Variants in FSTL5 observed in about 807,000 individuals in gnomAD.
FSTL5 encodes the protein follistatin like 5, also known as follistatin-related protein 5.
FSTL5 carries 62 observed loss-of-function variants against 89.1 expected under a neutral mutation model. That is an observed-to-expected ratio of 0.70 (90% CI 0.57 to 0.86). The LOEUF (loss-of-function observed/expected upper bound fraction) is 0.86, where lower values mean the gene tolerates loss of function less well. FSTL5 is among the 40% of genes least tolerant of loss of function. The pLI is 0.00. For synonymous variants in FSTL5, 383 were observed against 346.2 expected, an observed-to-expected ratio of 1.11 and a Z score of -1.18; for missense variants, 1,057 against 1,001.6, an observed-to-expected ratio of 1.06 and a Z score of -0.75.
At chr4:161,544,018 T>C (rs1159632178) in intron 8 of FSTL5, among the ~76,000 whole-genome samples, 1 of 151,850 alleles carries the variant, frequency 6.6e-6, no homozygotes, top group Non-Finnish European at 1.5e-5. Flanking sequence ...AGAGAACTGT[T>C]ACAAATCAGC....
intron 15 of FSTL5, among the ~76,000 whole-genome samples, chr4:161,404,281 A>G (rs890365469): frequency 6.6e-6 from 1 of 152,228 alleles, no homozygotes; most frequent in African/African-American, 2.4e-5. Context: ...GCCAATCAGT[A>G]GACACATTGG....
chr4:161,860,068 C>T (rs2126888806), intron 4 of FSTL5, among the ~76,000 whole-genome samples: 1 of 152,246 alleles, frequency 6.6e-6, no homozygotes, highest in South Asian at 2.1e-4. Flanking sequence ...GTGGGCGGAT[C>T]ACAAGGTCAG....
intron 15 of FSTL5, among the ~76,000 whole-genome samples, chr4:161,404,609 T>G (rs1046412966): frequency 6.6e-6 from 1 of 151,724 alleles, no homozygotes; most frequent in Non-Finnish European, 1.5e-5. Context: ...AAATCTTTGT[T>G]AAACCACAAG....
At chr4:162,104,062 G>A (rs968143643) in intron 2 of FSTL5, among the ~76,000 whole-genome samples, 3 of 152,140 alleles carry the variant, frequency 2.0e-5, no homozygotes, top group South Asian at 2.1e-4. Context: ...CTGAGCTTTC[G>A]CTCGCCGTCC....
At chr4:161,829,484 T>A (rs1230966275) in intron 4 of FSTL5, among the ~76,000 whole-genome samples, 1 of 152,002 alleles carries the variant, frequency 6.6e-6, no homozygotes, top group Admixed American at 6.6e-5. Flanking sequence ...AATTAATGTA[T>A]GTAATTATCT....
chr4:162,127,433 G>A (rs1297389334), intron 1 of FSTL5, among the ~76,000 whole-genome samples: 1 of 152,142 alleles, frequency 6.6e-6, no homozygotes, highest in Non-Finnish European at 1.5e-5. Flanking sequence ...GACCTGCAAG[G>A]ATGAATCAAA....
At chr4:161,733,065 T>G (rs920743282) in intron 6 of FSTL5, among the ~76,000 whole-genome samples, 2 of 151,950 alleles carry the variant, frequency 1.3e-5, no homozygotes, top group Non-Finnish European at 2.9e-5. Flanking sequence ...ATCCATAGAT[T>G]AACTTTTGTA....
intron 12 of FSTL5, among the ~76,000 whole-genome samples, chr4:161,482,116 C>T (rs141936076): frequency 2.5e-3 from 384 of 152,096 alleles, no homozygotes; most frequent in African/African-American, 8.9e-3. Context: ...GTCAGGAGAT[C>T]GATCCTGGCT....
At chr4:161,986,288 G>C (rs566293214) in intron 3 of FSTL5, among the ~76,000 whole-genome samples, 1 of 152,138 alleles carries the variant, frequency 6.6e-6, no homozygotes, top group Non-Finnish European at 1.5e-5. Flanking sequence ...GGTGGCTCAC[G>C]CCTGTAATCC....
At chr4:162,145,667 T>A (rs1732946017) in intron 1 of FSTL5, among the ~76,000 whole-genome samples, 1 of 152,112 alleles carries the variant, frequency 6.6e-6, no homozygotes, top group South Asian at 2.1e-4. Flanking sequence ...GATAATGCTG[T>A]CTTTTCTATT....
intron 1 of FSTL5, among the ~76,000 whole-genome samples, chr4:162,112,556 T>C (rs1024443995): frequency 1.3e-5 from 2 of 152,164 alleles, no homozygotes; most frequent in African/African-American, 2.4e-5. Flanking sequence ...CTTGACTGAA[T>C]TTTAAACTCC....
At chr4:161,699,167 T>C (rs1251329289) in intron 6 of FSTL5, among the ~76,000 whole-genome samples, 2 of 152,250 alleles carry the variant, frequency 1.3e-5, no homozygotes, top group Non-Finnish European at 2.9e-5. Flanking sequence ...AAGGGAATTA[T>C]GATTTCTGTG....
At chr4:161,450,661 A>T (rs1362211610) in intron 15 of FSTL5, among the ~76,000 whole-genome samples, 1 of 152,068 alleles carries the variant, frequency 6.6e-6, no homozygotes, top group African/African-American at 2.4e-5. Context: ...TTTGTTTATA[A>T]TTGATTTTAG....
intron 4 of FSTL5, among the ~76,000 whole-genome samples, chr4:161,873,108 T>A (rs1183212577): frequency 1.3e-5 from 2 of 152,154 alleles, no homozygotes; most frequent in Non-Finnish European, 2.9e-5. Flanking sequence ...AGAGTCTAAC[T>A]GTTAAGAGGC....
At chr4:161,427,117 T>A (rs1732191539) in intron 15 of FSTL5, among the ~76,000 whole-genome samples, 2 of 152,360 alleles carry the variant, frequency 1.3e-5, no homozygotes, top group South Asian at 4.1e-4. Flanking sequence ...AAGGCAACTT[T>A]ACAGTTTCGT....
chr4:162,066,347 CT>C, intron 2 of FSTL5, among the ~76,000 whole-genome samples: 3 of 132,518 alleles, frequency 2.3e-5, no homozygotes, highest in African/African-American at 8.9e-5. Flanking sequence ...TCTTCTTCTT[CT>C]TCTTCTCCTT....
chr4:162,082,623 C>T lies in FSTL5; in HGVS notation c.126+28648G>A, dbSNP rs1277558325. On this transcript the variant is annotated intron_variant, in intron 2 of 15. Coordinates refer to ENST00000306100, the MANE Select transcript of FSTL5 (RefSeq NM_020116.5). ...CTAGTTTCTCACAGCATTCACTAGG[C>T]CCAATTCATTTATTTATGTTACTTA... 3.3e-5 allele frequency among the ~76,000 whole-genome samples: 5 copies of T among 151,030 alleles called. No homozygotes were observed. In the Admixed American group the frequency reaches 3.3e-4, roughly 10 times the overall value.
intron 2 of FSTL5, among the ~76,000 whole-genome samples, chr4:162,084,686 C>T (rs973299223): frequency 2.0e-5 from 3 of 152,152 alleles, no homozygotes; most frequent in Non-Finnish European, 2.9e-5. Flanking sequence ...GAAAACCAAA[C>T]ACCACATGTT....
chr4:161,646,811 C>T (rs1232911564), intron 7 of FSTL5, among the ~76,000 whole-genome samples: 1 of 152,136 alleles, frequency 6.6e-6, no homozygotes, highest in Non-Finnish European at 1.5e-5. Flanking sequence ...TACAAATGAT[C>T]ATCTTTTAAT....
Sources: gnomAD v4.1 joint callset for allele counts (sites outside exome capture counted in the v4.1 genomes callset) on GRCh38, gnomAD v4.1.1 for gene constraint, MANE v1.5 for transcripts, NCBI Gene and HGNC (gene_info 2026-07-23, HGNC 2026-07-21) for gene names.